The following FBRSL1 variants were observed in gnomAD, a reference collection of about 807,000 sequenced individuals.
The protein encoded by FBRSL1 is fibrosin like 1, also known as fibrosin-1-like protein.
A neutral mutation model predicts 89.6 loss-of-function variants in FBRSL1; 51 were observed. That is an observed-to-expected ratio of 0.57 (90% CI 0.45 to 0.72). The LOEUF (loss-of-function observed/expected upper bound fraction) is 0.72. Among genes scored for constraint, FBRSL1 ranks in the 30% least tolerant of loss-of-function variants. The probability of loss-of-function intolerance (pLI) is 0.00; values close to 1 mark genes in which losing one functional copy is unlikely to be tolerated. For missense variants in FBRSL1, 1,618 were observed against 1,451.8 expected (o/e 1.11, Z -1.86); for synonymous variants, 779 against 681.1 (o/e 1.14, Z -2.24).
intron 15 of FBRSL1, among the ~76,000 whole-genome samples, chr12:132,577,414 G>A (rs575441728): frequency 2.6e-5 from 4 of 152,304 alleles, no homozygotes; most frequent in Admixed American, 6.5e-5. Flanking sequence ...TGAACAGTAG[G>A]AAGCTGCTCC....
intron 1 of FBRSL1, chr12:132,507,053 CTG>C (rs889566537): frequency 1.3e-5 from 4 of 310,198 alleles, no homozygotes; most frequent in African/African-American, 6.8e-5. Context: ...GCTCTTGTCT[CTG>C]TCGTCTGCCC....
At position 132,583,828 on chromosome 12, in the gene FBRSL1, C is replaced by T. The variant is rs1048691508; in HGVS notation, c.*50C>T. On this transcript the variant is annotated 3_prime_UTR_variant, in exon 19 of 19. Transcript: ENST00000680143. ...GAGCGGAGCGCACCGCTGTCCGTCT[C>T]TCCATCAGTTCCTAGAACTCAAGCA... is the stretch of plus-strand genomic sequence containing the variant. The T allele has an allele frequency of 2.8e-6, 3 of 1,074,432 alleles. No homozygotes were observed. The highest frequency in any genetic ancestry group is 1.7e-5 in the African/African-American group (1 of 60,416). The allele number at this position is 1,074,432 out of a possible 1,614,324, so 66.6% of individuals were successfully genotyped here.
chr12:132,500,339 C>G (rs1463015747), intron 1 of FBRSL1, among the ~76,000 whole-genome samples: 1 of 152,198 alleles, frequency 6.6e-6, no homozygotes, highest in Non-Finnish European at 1.5e-5. Flanking sequence ...ACATGAGGAA[C>G]CTGACGCACA....
At chr12:132,545,694 C>A (rs1016547774) in intron 4 of FBRSL1, among the ~76,000 whole-genome samples, 1 of 152,206 alleles carries the variant, frequency 6.6e-6, no homozygotes, top group African/African-American at 2.4e-5. Flanking sequence ...AAGCAGGGAT[C>A]TGGGTGCGGG....
intron 5 of FBRSL1, 66 bp downstream of exon 5, chr12:132,548,098 T>C (rs1390300976): frequency 6.6e-7 from 1 of 1,524,908 alleles, no homozygotes; most frequent in Non-Finnish European, 8.9e-7. Flanking sequence ...ACCTTGGCCC[T>C]GTGAGGTGGG....
intron 2 of FBRSL1, among the ~76,000 whole-genome samples, chr12:132,522,730 A>C (rs1213871487): frequency 1.3e-5 from 2 of 152,180 alleles, no homozygotes; most frequent in East Asian, 3.9e-4. Flanking sequence ...CCCAGGAAGC[A>C]CAGGCTTGGT....
Position 132,490,652 on chromosome 12 carries a change from C to T in FBRSL1, c.82C>T (p.Arg28Cys), listed in dbSNP as rs1293817156. 11 of 988,718 alleles carry T rather than the reference C, an allele frequency of 1.1e-5. No homozygotes were observed. Among genetic ancestry groups the T allele is most frequent in the African/African-American group, 3.5e-5 (2 of 56,708 alleles). 61.2% of individuals were successfully genotyped at this position (988,718 alleles called of 1,614,324 possible). The change falls in exon 1 of 19, where the codon CGC becomes TGC. Residue 28 changes from arginine (R) to cysteine (C), a missense_variant. Coordinates refer to ENST00000680143, the MANE Select transcript of FBRSL1 (RefSeq NM_001367871.1). The part of the protein sequence containing the change: ...GRRREAARDA[R>C]AQSPSSGDEP... ...GCGCCGGGAGGCCGCCCGCGACGCC[C>T]GCGCCCAGAGTCCGTCGTCGGGCGA... is the stretch of plus-strand genomic sequence containing the variant.
intron 2 of FBRSL1, among the ~76,000 whole-genome samples, chr12:132,524,795 T>C (rs1347466255): frequency 6.6e-6 from 1 of 152,194 alleles, no homozygotes; most frequent in Non-Finnish European, 1.5e-5. Context: ...CAGCAGGAGC[T>C]CTGGCCTCTC....
intron 15 of FBRSL1, 23 bp downstream of exon 15, chr12:132,576,954 T>TG (rs747682685): frequency 1.1e-5 from 17 of 1,540,722 alleles, no homozygotes; most frequent in Non-Finnish European, 1.5e-5. Flanking sequence ...TCGGGCCAGG[T>TG]GGGGGGCACA....
At chr12:132,525,675 C>A in intron 2 of FBRSL1, 59 bp from the exon 3 acceptor site, 1 of 1,425,626 alleles carries the variant, frequency 7.0e-7, no homozygotes, top group Non-Finnish European at 9.7e-7. Flanking sequence ...GCCAGGGGGC[C>A]CCGATGCGGA....
At chr12:132,567,348 G>A (rs1368346913) in intron 5 of FBRSL1, 133 bp from the exon 6 acceptor site, 1 of 787,230 alleles carries the variant, frequency 1.3e-6, no homozygotes, top group East Asian at 2.7e-5. Context: ...CTCGTACACG[G>A]GGGCATCCAC....
chr12:132,513,496 C>T (rs2034557801), intron 2 of FBRSL1, among the ~76,000 whole-genome samples: 1 of 152,108 alleles, frequency 6.6e-6, no homozygotes, highest in Non-Finnish European at 1.5e-5. Context: ...CCTCAGGAAC[C>T]CCTCTGGAGA....
At chr12:132,524,575 G>T (rs867805802) in intron 2 of FBRSL1, among the ~76,000 whole-genome samples, 52 of 152,368 alleles carry the variant, frequency 3.4e-4, no homozygotes, top group Non-Finnish European at 6.3e-4. Flanking sequence ...GTTTCCCCGG[G>T]CTGGGGCGTG....
At chr12:132,498,898 T>TG (rs2032502124) in intron 1 of FBRSL1, among the ~76,000 whole-genome samples, 1 of 152,230 alleles carries the variant, frequency 6.6e-6, no homozygotes, top group African/African-American at 2.4e-5. Flanking sequence ...CACTGGGGGC[T>TG]GGGCAGAGAG....
In FBRSL1 at chr12:132,497,443, C is replaced by T. The variant is rs182316087; in HGVS notation, c.291+6582C>T. Reference sequence around the variant, plus strand: ...GGCTGCCCTGAGTCAGAGGCAGCCACGGGAGGAGCCCAGCCCACCTGAGTC... The same window carrying T: ...GGCTGCCCTGAGTCAGAGGCAGCCATGGGAGGAGCCCAGCCCACCTGAGTC... On this transcript the variant is annotated intron_variant, in intron 1 of 18. Coordinates refer to ENST00000680143, the MANE Select transcript of FBRSL1 (RefSeq NM_001367871.1). Among the ~76,000 whole-genome samples the T allele has an allele frequency of 4.0e-3, 610 of 152,208 alleles. 8 individuals are homozygous for T. Among genetic ancestry groups the T allele is most frequent in the Middle Eastern group, 0.014 (4 of 294 alleles).
intron 5 of FBRSL1, among the ~76,000 whole-genome samples, chr12:132,549,379 C>T (rs1246141636): frequency 1.3e-5 from 2 of 152,188 alleles, no homozygotes; most frequent in South Asian, 2.1e-4. Context: ...CGTGGCTCCG[C>T]GTGGCCCTCA....
chr12:132,545,343 T>C (rs1413011168), intron 4 of FBRSL1, among the ~76,000 whole-genome samples: 1 of 152,220 alleles, frequency 6.6e-6, no homozygotes, highest in Non-Finnish European at 1.5e-5. Context: ...CCTTTTCTCC[T>C]CGCCCTGATT....
intron 6 of FBRSL1, 85 bp from the exon 7 acceptor site, chr12:132,569,841 C>T (rs777032962): frequency 3.0e-5 from 32 of 1,071,624 alleles, no homozygotes; most frequent in Admixed American, 4.2e-5. Context: ...GCCTGGGCAC[C>T]GGGCACGTAC....
Position 132,515,795 on chromosome 12 carries a change from G to A in FBRSL1, c.489+7445G>A, listed in dbSNP as rs2034785883. ...CACACCTGTAGTCCCAGCTGCTTGG[G>A]AGGCTGAGGCATGCCAATCACTTGA... On this transcript the variant is annotated intron_variant, in intron 2 of 18. Coordinates refer to ENST00000680143, the MANE Select transcript of FBRSL1 (RefSeq NM_001367871.1). 2.0e-5 allele frequency among the ~76,000 whole-genome samples: 3 copies of A among 151,366 alleles called. No individual in the cohort carries two copies. In the South Asian group the frequency reaches 6.2e-4, roughly 31 times the overall value.
Sources: allele counts gnomAD v4.1 joint callset (sites outside exome capture counted in the v4.1 genomes callset), GRCh38; gene constraint gnomAD v4.1.1; transcripts MANE v1.5; gene names NCBI Gene and HGNC (gene_info 2026-07-23, HGNC 2026-07-21).